Variants in ANO10 observed in about 807,000 individuals in gnomAD.
ANO10 encodes anoctamin-10.
ANO10 carries 77 observed loss-of-function variants against 74.7 expected under a neutral mutation model. That is an observed-to-expected ratio of 1.03 (90% confidence interval 0.86 to 1.25). The LOEUF (loss-of-function observed/expected upper bound fraction) is 1.25, where lower values mean the gene tolerates loss of function less well. Ranked by LOEUF, ANO10 falls within the 50% of genes most tolerant of loss-of-function variation. The pLI, the probability that ANO10 is intolerant of heterozygous loss-of-function variation, is 0.00. For missense variants in ANO10, 721 were observed against 778.1 expected (o/e 0.93, Z 0.87); for synonymous variants, 279 against 284.9 (o/e 0.98, Z 0.21).
rs1372581831 is a variant in ANO10, at chr3:43,667,086, T to G, written c.-12+24431A>C. 1.4e-4 allele frequency among the ~76,000 whole-genome samples: 19 copies of G among 137,684 alleles called. 1 individual carries two copies. Among genetic ancestry groups the G allele is most frequent in the East Asian group, 4.2e-4 (2 of 4,742 alleles). 90.3% of individuals were successfully genotyped at this position (137,684 alleles called of 152,430 possible). On this transcript the variant is annotated intron_variant, in intron 1 of 3. Coordinates refer to the ANO10 transcript ENST00000413397. ...ATACAATGCATGTTTTTTTTTTTTT[T>G]TTTTTTTTTTTTGTCTTTTCTTGAG...
chr3:43,552,411 C>T (rs2149316242), intron 10 of ANO10, among the ~76,000 whole-genome samples: 1 of 152,036 alleles, frequency 6.6e-6, no homozygotes, highest in African/African-American at 2.4e-5. Flanking sequence ...TTTTTTTCTA[C>T]ATATATTTAG....
intron 1 of ANO10, among the ~76,000 whole-genome samples, chr3:43,656,527 T>A (rs2083854939): frequency 6.6e-6 from 1 of 151,122 alleles, no homozygotes; most frequent in African/African-American, 2.4e-5. Flanking sequence ...ATGGAGGGGG[T>A]GGGAGGCTCA....
chr3:43,601,416 T>G (rs2082332772), intron 2 of ANO10, among the ~76,000 whole-genome samples: 2 of 152,116 alleles, frequency 1.3e-5, no homozygotes. Flanking sequence ...AGGCTGGTCT[T>G]GAACTCCTGA....
At chr3:43,386,385 A>G (rs898485719) in intron 12 of ANO10, among the ~76,000 whole-genome samples, 16 of 151,158 alleles carry the variant, frequency 1.1e-4, no homozygotes, top group African/African-American at 3.6e-4. Context: ...AGAAAGGAGG[A>G]AAGGGGAAGG....
intron 11 of ANO10, among the ~76,000 whole-genome samples, chr3:43,549,509 G>A (rs2079357119): frequency 6.6e-6 from 1 of 152,108 alleles, no homozygotes; most frequent in South Asian, 2.1e-4. Context: ...CTTCCTGTTT[G>A]CATTGTGGTG....
intron 11 of ANO10, among the ~76,000 whole-genome samples, chr3:43,481,893 T>C (rs2076281569): frequency 6.6e-6 from 1 of 151,988 alleles, no homozygotes; most frequent in African/African-American, 2.4e-5. Flanking sequence ...GTACATCTTG[T>C]ATGTATTGAT....
Position 43,678,821 on chromosome 3 carries a change from ACTTTT to A in ANO10, c.-12+12691_-12+12695del, listed in dbSNP as rs572708928. 6.5e-4 allele frequency among the ~76,000 whole-genome samples: 99 copies of A among 152,366 alleles called. 2 individuals carry two copies. The highest frequency in any genetic ancestry group is 2.3e-3 in the African/African-American group (96 of 41,594). On this transcript the variant is annotated intron_variant, in intron 1 of 3. Coordinates refer to the ANO10 transcript ENST00000413397. ...AAGTTGGGGACTGTATTTGTAAAAT[ACTTTT>A]CTTTATGGAAAATATTTTAAAAATT...
At position 43,561,397 on chromosome 3, in the gene ANO10, C is replaced by A; in HGVS notation, c.1299G>T (p.Leu433Phe). 1 of 1,613,870 alleles carries A rather than the reference C, an allele frequency of 6.2e-7. No homozygotes were observed. Among genetic ancestry groups the A allele is most frequent in the South Asian group, 1.1e-5 (1 of 91,066 alleles). Reference sequence around the variant, plus strand: ...TCTGGGAGGTAATTAGGAGAGTGGCCAAGCTCTAAAGAGAAGCACACAAAT... The same window carrying A: ...TCTGGGAGGTAATTAGGAGAGTGGCAAAGCTCTAAAGAGAAGCACACAAAT... ...LKDMKLLRQS[L>F]ATLLITSQIL... is the part of the protein sequence containing the mutation. Residue 433 changes from leucine (L) to phenylalanine (F), a missense_variant, in exon 9 of 13, where the codon TTG becomes TTT. Transcript: ENST00000292246.
chr3:43,401,132 C>G (rs1231555363), intron 12 of ANO10, among the ~76,000 whole-genome samples: 1 of 152,160 alleles, frequency 6.6e-6, no homozygotes, highest in Non-Finnish European at 1.5e-5. Context: ...CATTAATACT[C>G]TTGGCCCCCA....
chr3:43,589,380 C>G (rs1156831975), intron 4 of ANO10, among the ~76,000 whole-genome samples: 2 of 152,118 alleles, frequency 1.3e-5, no homozygotes, highest in African/African-American at 4.8e-5. Context: ...ATATAACATG[C>G]ATTCCTTTAT....
intron 11 of ANO10, among the ~76,000 whole-genome samples, chr3:43,482,496 G>A (rs2076312380): frequency 6.6e-6 from 1 of 152,090 alleles, no homozygotes; most frequent in Admixed American, 6.6e-5. Context: ...TATGTGAACT[G>A]TGAACAACTC....
At chr3:43,442,820 TTAA>T (rs1436308829) in intron 11 of ANO10, among the ~76,000 whole-genome samples, 1 of 152,188 alleles carries the variant, frequency 6.6e-6, no homozygotes, top group African/African-American at 2.4e-5. Flanking sequence ...CAATATAACT[TTAA>T]TAATAGGCGG....
chr3:43,629,320 C>T (rs1038376034), intron 1 of ANO10, among the ~76,000 whole-genome samples: 1 of 152,106 alleles, frequency 6.6e-6, no homozygotes, highest in South Asian at 2.1e-4. Context: ...AAATTCTTTA[C>T]CTATTAGGAT....
At chr3:43,432,338 G>A (rs2092995459) in intron 12 of ANO10, among the ~76,000 whole-genome samples, 1 of 152,152 alleles carries the variant, frequency 6.6e-6, no homozygotes, top group Admixed American at 6.5e-5. Flanking sequence ...TTGATTCTTA[G>A]ATGTCTGTCT....
chr3:43,455,815 T>C (rs2075099363), intron 11 of ANO10, among the ~76,000 whole-genome samples: 1 of 151,990 alleles, frequency 6.6e-6, no homozygotes, highest in Non-Finnish European at 1.5e-5. Context: ...CAACAGATTC[T>C]GACACAAAGA....
intron 1 of ANO10, among the ~76,000 whole-genome samples, chr3:43,615,625 C>CAT (rs2083059136): frequency 1.3e-5 from 2 of 151,750 alleles, no homozygotes; most frequent in African/African-American, 2.4e-5. Context: ...AGCCAAATTT[C>CAT]ATATATATAT....
intron 1 of ANO10, among the ~76,000 whole-genome samples, chr3:43,630,658 A>G (rs1181134168): frequency 6.6e-6 from 1 of 152,220 alleles, no homozygotes; most frequent in Non-Finnish European, 1.5e-5. Context: ...TGTCCCCCAG[A>G]GCACAAGTAA....
At chr3:43,562,424 C>T (rs566839097) in intron 8 of ANO10, among the ~76,000 whole-genome samples, 3 of 128,814 alleles carry the variant, frequency 2.3e-5, no homozygotes, top group African/African-American at 9.2e-5. Flanking sequence ...TGCACTCCAG[C>T]CTGGGCGGCA....
At chr3:43,496,320 T>C (rs916825992) in intron 11 of ANO10, among the ~76,000 whole-genome samples, 8 of 152,216 alleles carry the variant, frequency 5.3e-5, no homozygotes, top group Admixed American at 3.3e-4. Flanking sequence ...CCTGTATATA[T>C]TGACATATGC....
Sources: gnomAD v4.1 joint callset for allele counts (sites outside exome capture counted in the v4.1 genomes callset) on GRCh38, gnomAD v4.1.1 for gene constraint, MANE v1.5 for transcripts, NCBI Gene and HGNC (gene_info 2026-07-23, HGNC 2026-07-21) for gene names.